RUFY3: variants seen among roughly 807,000 people sequenced by gnomAD.
The protein encoded by RUFY3 is RUN and FYVE domain containing 3.
In RUFY3, 34 loss-of-function variants were observed where a neutral mutation model predicts 84.0. The observed-to-expected ratio is 0.40, with a 90% CI of 0.31 to 0.54. The LOEUF (loss-of-function observed/expected upper bound fraction) is 0.54. Among genes scored for constraint, RUFY3 ranks in the 20% least tolerant of loss-of-function variants. The pLI, the probability that RUFY3 is intolerant of heterozygous loss-of-function variation, is 0.39. For missense variants in RUFY3, 507 were observed against 736.8 expected (o/e 0.69, Z 3.61); for synonymous variants, 242 against 252.9 (o/e 0.96, Z 0.41).
exon 1 of RUFY3, chr4:70,705,232 T>A (rs984250909): frequency 3.0e-5 from 44 of 1,460,278 alleles, no homozygotes; most frequent in Non-Finnish European, 3.5e-5. Context: ...GGCTCACCGC[T>A]GCCCTTCCTG....
At chr4:70,725,515 G>A (rs891137991) in intron 1 of RUFY3, among the ~76,000 whole-genome samples, 1 of 152,064 alleles carries the variant, frequency 6.6e-6, no homozygotes, top group African/African-American at 2.4e-5. Flanking sequence ...ATTTTTAGTA[G>A]AGACGGGGTT....
intron 1 of RUFY3, among the ~76,000 whole-genome samples, chr4:70,759,017 G>A (rs1188868417): frequency 2.0e-5 from 3 of 151,152 alleles, no homozygotes; most frequent in Non-Finnish European, 4.4e-5. Context: ...CAGCCTGGGC[G>A]ACAGCAAGAC....
chr4:70,772,810 G>GCCACCACA (rs1727195113), intron 5 of RUFY3, among the ~76,000 whole-genome samples: 2 of 152,010 alleles, frequency 1.3e-5, no homozygotes, highest in Admixed American at 1.3e-4. Flanking sequence ...ACAGGCATGT[G>GCCACCACA]CCACCACACC....
chr4:70,727,869 G>A (rs1394854504), intron 1 of RUFY3, among the ~76,000 whole-genome samples: 1 of 152,062 alleles, frequency 6.6e-6, no homozygotes, highest in Non-Finnish European at 1.5e-5. Context: ...GAAGGGCAGG[G>A]ATAGTATTAC....
At chr4:70,733,232 T>C (rs1355859185) in intron 1 of RUFY3, among the ~76,000 whole-genome samples, 2 of 152,176 alleles carry the variant, frequency 1.3e-5, no homozygotes, top group African/African-American at 2.4e-5. Context: ...TGGTTTCTAA[T>C]GTTTTCTTTA....
intron 16 of RUFY3, among the ~76,000 whole-genome samples, chr4:70,803,933 C>T (rs1272148973): frequency 6.6e-6 from 1 of 151,010 alleles, no homozygotes; most frequent in Non-Finnish European, 1.5e-5. Flanking sequence ...TGGAGTTTTG[C>T]CATGTTGGCC....
intron 1 of RUFY3, among the ~76,000 whole-genome samples, chr4:70,728,555 A>G (rs1047905539): frequency 1.3e-5 from 2 of 152,238 alleles, no homozygotes; most frequent in African/African-American, 4.8e-5. Flanking sequence ...TCATATTTCA[A>G]AAAAGAAAAT....
upstream of RUFY3, chr4:70,721,765 G>A (rs1289177882): frequency 1.4e-6 from 1 of 723,462 alleles, no homozygotes; most frequent in East Asian, 1.3e-4. Context: ...TGATCCCAAA[G>A]TAAGAAGAAT....
At chr4:70,774,577 T>G (rs1368741501) in intron 6 of RUFY3, among the ~76,000 whole-genome samples, 31 of 121,430 alleles carry the variant, frequency 2.6e-4, no homozygotes, top group Non-Finnish European at 4.4e-4. Context: ...ATCACACCAT[T>G]GCACTCCGGC....
At chr4:70,791,643 A>G in intron 12 of RUFY3, 2 of 1,040,286 alleles carry the variant, frequency 1.9e-6, no homozygotes, top group Non-Finnish European at 2.3e-6. Flanking sequence ...TTTACAACCC[A>G]GTCCTTGATA....
At chr4:70,764,938 C>G (rs1216059283) in intron 4 of RUFY3, among the ~76,000 whole-genome samples, 1 of 152,088 alleles carries the variant, frequency 6.6e-6, no homozygotes, top group South Asian at 2.1e-4. Context: ...GTAATCCCAG[C>G]ATTTCGGGAG....
chr4:70,735,725 G>A (rs941795056), intron 1 of RUFY3, among the ~76,000 whole-genome samples: 6 of 151,956 alleles, frequency 3.9e-5, no homozygotes, highest in African/African-American at 1.4e-4. Context: ...TGTGGCTCAT[G>A]TCTGTAATCC....
intron 1 of RUFY3, chr4:70,741,705 A>C (rs528112524): frequency 6.9e-7 from 1 of 1,447,378 alleles, no homozygotes; most frequent in East Asian, 2.7e-5. Context: ...AACATCTTTC[A>C]GCTTTTTCTC....
At chr4:70,752,975 T>C (rs1723375879) in intron 1 of RUFY3, among the ~76,000 whole-genome samples, 1 of 152,246 alleles carries the variant, frequency 6.6e-6, no homozygotes, top group African/African-American at 2.4e-5. Context: ...CAAGGATTGG[T>C]GTCAATTCCT....
exon 1 of RUFY3, chr4:70,705,215 G>T (rs1311540469): frequency 6.8e-7 from 1 of 1,461,180 alleles, no homozygotes. Flanking sequence ...GGACCCCGCC[G>T]TCCCCCGGCT....
intron 1 of RUFY3, among the ~76,000 whole-genome samples, chr4:70,710,839 G>T (rs1464586063): frequency 6.6e-6 from 1 of 151,420 alleles, no homozygotes; most frequent in African/African-American, 2.4e-5. Context: ...AAGGCAGGCG[G>T]ATCACTTGAG....
At chr4:70,767,683 G>A (rs893980071) in intron 4 of RUFY3, among the ~76,000 whole-genome samples, 4 of 151,192 alleles carry the variant, frequency 2.6e-5, no homozygotes, top group Non-Finnish European at 4.4e-5. Flanking sequence ...GGGTCTTCAC[G>A]AATTTTTTTT....
chr4:70,732,458 G>A (rs1213799414), intron 1 of RUFY3, among the ~76,000 whole-genome samples: 3 of 152,076 alleles, frequency 2.0e-5, no homozygotes, highest in Admixed American at 1.3e-4. Flanking sequence ...ACATGCACAC[G>A]TATGTTTATT....
chr4:70,741,230 T>C (rs1721268294), intron 1 of RUFY3, among the ~76,000 whole-genome samples: 2 of 152,052 alleles, frequency 1.3e-5, no homozygotes, highest in African/African-American at 4.8e-5. Context: ...AAAAGAAATA[T>C]ATCGCACATA....
Sources: allele counts gnomAD v4.1 joint callset (sites outside exome capture counted in the v4.1 genomes callset), GRCh38; gene constraint gnomAD v4.1.1; transcripts MANE v1.5; gene names NCBI Gene and HGNC (gene_info 2026-07-23, HGNC 2026-07-21).